DGLUCY: variants seen among roughly 807,000 people sequenced by gnomAD.
DGLUCY encodes D-glutamate cyclase, mitochondrial.
DGLUCY carries 58 observed loss-of-function variants against 58.5 expected under a neutral mutation model. That is an observed-to-expected ratio of 0.99 (90% CI 0.80 to 1.23). The LOEUF (loss-of-function observed/expected upper bound fraction) is 1.23, where lower values mean the gene tolerates loss of function less well. Among genes scored for constraint, DGLUCY ranks in the 50% most tolerant of loss-of-function variants. DGLUCY has a pLI of 0.00. For synonymous variants in DGLUCY, 325 were observed against 314.1 expected, an observed-to-expected ratio of 1.03 and a Z score of -0.37; for missense variants, 779 against 784.7, an observed-to-expected ratio of 0.99 and a Z score of 0.09.
At chr14:91,129,374 C>A (rs566930609) in intron 1 of DGLUCY, among the ~76,000 whole-genome samples, 4 of 152,108 alleles carry the variant, frequency 2.6e-5, no homozygotes, top group South Asian at 4.2e-4. Flanking sequence ...TACACACATA[C>A]CCTTAAGCCT....
At chr14:91,074,163 TCA>T (rs2043975984) in intron 1 of DGLUCY, among the ~76,000 whole-genome samples, 1 of 55,578 alleles carries the variant, frequency 1.8e-5, no homozygotes, top group African/African-American at 6.7e-5. Flanking sequence ...ACACACACAG[TCA>T]AGCACCTGTA....
chr14:91,119,869 C>T (rs2045244350), intron 1 of DGLUCY, among the ~76,000 whole-genome samples: 3 of 152,166 alleles, frequency 2.0e-5, no homozygotes, highest in Admixed American at 6.5e-5. Context: ...ATCTTTCTCC[C>T]GTGCTGGATG....
At position 91,196,480 on chromosome 14, in the gene DGLUCY, T is replaced by G; in HGVS notation, c.1295+6T>G. 1 of 1,612,078 alleles carries G rather than the reference T, an allele frequency of 6.2e-7. No individual in the cohort carries two copies. Among genetic ancestry groups the G allele is most frequent in the Non-Finnish European group, 8.5e-7 (1 of 1,178,348 alleles). On this transcript the variant is annotated splice_donor_region_variant and intron_variant, in intron 10 of 13. Transcript: ENST00000256324. ...GGGGACCCGCAGACACCTAGGTACG[T>G]ATGTCGCATCCCAGTTTAAGTGGCG...
chr14:91,203,363 A>T (rs984453042), intron 11 of DGLUCY, among the ~76,000 whole-genome samples: 1 of 152,220 alleles, frequency 6.6e-6, no homozygotes, highest in Non-Finnish European at 1.5e-5. Context: ...TCAGCTCTAG[A>T]TCCCACAAAG....
At chr14:91,202,269 C>T (rs538900214) in intron 11 of DGLUCY, among the ~76,000 whole-genome samples, 1 of 152,000 alleles carries the variant, frequency 6.6e-6, no homozygotes, top group East Asian at 1.9e-4. Flanking sequence ...TCCTGGGGCC[C>T]CAGCCCTTTA....
intron 1 of DGLUCY, among the ~76,000 whole-genome samples, chr14:91,134,290 G>C (rs939557900): frequency 7.9e-5 from 12 of 152,204 alleles, no homozygotes; most frequent in South Asian, 4.1e-4. Context: ...TGAACATGCT[G>C]TCTCTCCATT....
intron 1 of DGLUCY, among the ~76,000 whole-genome samples, chr14:91,146,726 C>G (rs1214516383): frequency 1.3e-5 from 2 of 152,094 alleles, no homozygotes; most frequent in Non-Finnish European, 2.9e-5. Flanking sequence ...GGAAGGGGGC[C>G]CATGAGAGCA....
At chr14:91,060,670 C>T (rs1227493225) in exon 1 of DGLUCY, 7 of 424,440 alleles carry the variant, frequency 1.6e-5, no homozygotes, top group Non-Finnish European at 2.7e-5. Flanking sequence ...GCTCCACCGC[C>T]GCCTCCTCAG....
intron 1 of DGLUCY, among the ~76,000 whole-genome samples, chr14:91,149,055 C>G (rs1183706711): frequency 6.6e-6 from 1 of 152,100 alleles, no homozygotes; most frequent in African/African-American, 2.4e-5. Context: ...TGAGATCAGC[C>G]TGACCAACAT....
rs773086882 is a variant in DGLUCY at position 91,188,894 on chromosome 14, A to G, written c.935-16A>G. On this transcript the variant is annotated splice_polypyrimidine_tract_variant and intron_variant, in intron 8 of 13. Coordinates refer to ENST00000256324, the MANE Select transcript of DGLUCY (RefSeq NM_001102368.3). ...AAAAATATAGTTACTTTTACATTCT[A>G]TTTTTGTCATTTCAGGGAACCGGGG... 1 of 1,606,144 alleles carries G rather than the reference A, an allele frequency of 6.2e-7. No homozygotes were observed. The highest frequency in any genetic ancestry group is 8.5e-7 in the Non-Finnish European group (1 of 1,176,584).
intron 1 of DGLUCY, among the ~76,000 whole-genome samples, chr14:91,133,023 G>T (rs1235027500): frequency 2.0e-5 from 3 of 151,788 alleles, no homozygotes; most frequent in African/African-American, 7.3e-5. Flanking sequence ...GCTGGGCGCG[G>T]TAGCTCACGC....
upstream of DGLUCY, among the ~76,000 whole-genome samples, chr14:91,107,543 C>G (rs1479851492): frequency 6.6e-6 from 1 of 152,034 alleles, no homozygotes; most frequent in Non-Finnish European, 1.5e-5. Flanking sequence ...AATAAAAACC[C>G]TTCATTTATC....
At chr14:91,181,969 A>T (rs1173747986) in intron 8 of DGLUCY, among the ~76,000 whole-genome samples, 2 of 146,262 alleles carry the variant, frequency 1.4e-5, no homozygotes, top group Non-Finnish European at 3.0e-5. Flanking sequence ...ATGGCTTTTT[A>T]TTTATTTATT....
chr14:91,079,207 T>C (rs1047051401), intron 1 of DGLUCY, among the ~76,000 whole-genome samples: 1 of 152,054 alleles, frequency 6.6e-6, no homozygotes, highest in Non-Finnish European at 1.5e-5. Flanking sequence ...CCCAGCCTTA[T>C]TTTGTGTTTT....
chr14:91,158,536 A>G (rs2047790118), intron 2 of DGLUCY, among the ~76,000 whole-genome samples: 1 of 152,168 alleles, frequency 6.6e-6, no homozygotes, highest in African/African-American at 2.4e-5. Context: ...TATCTAGGAG[A>G]TTAGAGTTGA....
intron 1 of DGLUCY, among the ~76,000 whole-genome samples, chr14:91,074,118 T>TACACACACACACACACACACACACACAC (rs3086753): frequency 1.4e-5 from 1 of 70,340 alleles, no homozygotes; most frequent in Non-Finnish European, 2.5e-5. Context: ...TATATATATA[T>TACACACACACACACACACACACACACAC]ACACACACAC....
intron 2 of DGLUCY, among the ~76,000 whole-genome samples, 162 bp from the exon 3 acceptor site, chr14:91,160,104 G>A (rs144125381): frequency 5.9e-5 from 9 of 152,156 alleles, no homozygotes; most frequent in Admixed American, 3.3e-4. Flanking sequence ...GAGATGTGAC[G>A]GGGGAGAATG....
Position 91,173,452 on chromosome 14 carries a change from C to T in DGLUCY, c.607+13C>T. The T allele has an allele frequency of 2.5e-6, 4 of 1,582,398 alleles. No individual in the cohort carries two copies. Among genetic ancestry groups the T allele is most frequent in the Non-Finnish European group, 3.4e-6 (4 of 1,167,664 alleles). On this transcript the variant is annotated intron_variant, in intron 6 of 13. Transcript: ENST00000256324. ...ATGGGCGACCCAGGTCAGTGTCTCT[C>T]GCTCCTGCCCATGATCTTCCTGTTC... is the stretch of plus-strand genomic sequence containing the variant.
chr14:91,182,970 TTTTAG>T (rs1348392963), intron 8 of DGLUCY, among the ~76,000 whole-genome samples: 8 of 150,526 alleles, frequency 5.3e-5, no homozygotes, highest in African/African-American at 7.3e-5. Flanking sequence ...TATTTTTTTA[TTTTAG>T]TTTAGTTTAT....
Sources: gnomAD v4.1 joint callset for allele counts (sites outside exome capture counted in the v4.1 genomes callset) on GRCh38, gnomAD v4.1.1 for gene constraint, MANE v1.5 for transcripts, NCBI Gene and HGNC (gene_info 2026-07-23, HGNC 2026-07-21) for gene names.